MARCHF3: variants seen among roughly 807,000 people sequenced by gnomAD.
MARCHF3 encodes the protein membrane associated ring-CH-type finger 3.
Under a neutral mutation model 24.2 loss-of-function variants are expected in MARCHF3, and 13 were observed. The observed-to-expected ratio is 0.54, with a 90% CI of 0.35 to 0.85. The LOEUF is 0.85. Among genes scored for constraint, MARCHF3 ranks in the 40% least tolerant of loss-of-function variants. The pLI is 0.01. For synonymous variants in MARCHF3, 144 were observed against 137.3 expected, an observed-to-expected ratio of 1.05 and a Z score of -0.34; for missense variants, 276 against 325.0, an observed-to-expected ratio of 0.85 and a Z score of 1.16.
intron 1 of MARCHF3, among the ~76,000 whole-genome samples, chr5:127,028,993 A>G (rs1040558733): frequency 1.2e-4 from 18 of 152,208 alleles, no homozygotes; most frequent in Non-Finnish European, 2.2e-4. Context: ...GCTGGGCTGT[A>G]AAACAGGAAC....
intron 4 of MARCHF3, among the ~76,000 whole-genome samples, chr5:126,872,525 T>C (rs1406509655): frequency 5.3e-5 from 8 of 152,114 alleles, no homozygotes; most frequent in Non-Finnish European, 1.5e-5. Context: ...GAGTGACAAA[T>C]CAGGTCTGGG....
At chr5:127,024,044 T>C (rs1192076311) in intron 1 of MARCHF3, among the ~76,000 whole-genome samples, 1 of 152,072 alleles carries the variant, frequency 6.6e-6, no homozygotes, top group Non-Finnish European at 1.5e-5. Flanking sequence ...ACAAGGGGTA[T>C]GGGAACAAAA....
At chr5:126,894,409 T>C (rs564404126) in intron 3 of MARCHF3, among the ~76,000 whole-genome samples, 2,972 of 151,576 alleles carry the variant, frequency 0.02, 67 homozygotes, top group South Asian at 0.11. Context: ...TTGGCATGAT[T>C]TTGCAGCGGC....
At chr5:126,947,851 A>G (rs1481870221) in intron 1 of MARCHF3, among the ~76,000 whole-genome samples, 1 of 147,368 alleles carries the variant, frequency 6.8e-6, no homozygotes, top group East Asian at 2.2e-4. Flanking sequence ...AACTGCAACT[A>G]TTATGAGACT....
At chr5:126,999,143 G>GGCAGGGTGGTGAGCT (rs1752041840) in intron 1 of MARCHF3, among the ~76,000 whole-genome samples, 2 of 152,256 alleles carry the variant, frequency 1.3e-5, no homozygotes, top group South Asian at 4.1e-4. Context: ...CTATAATACT[G>GGCAGGGTGGTGAGCT]GCAGGGTGGT....
At chr5:127,018,002 G>C (rs1048964237) in intron 1 of MARCHF3, among the ~76,000 whole-genome samples, 7 of 152,256 alleles carry the variant, frequency 4.6e-5, no homozygotes, top group South Asian at 2.1e-4. Context: ...TTACAAAACA[G>C]GGTCTCTACC....
At chr5:126,877,526 AG>A (rs1753197465) in intron 4 of MARCHF3, among the ~76,000 whole-genome samples, 6 of 152,236 alleles carry the variant, frequency 3.9e-5, no homozygotes, top group Admixed American at 3.9e-4. Flanking sequence ...TGAAGTTAAA[AG>A]TTAAAAGAAT....
intron 1 of MARCHF3, among the ~76,000 whole-genome samples, chr5:127,002,132 C>G (rs1173029547): frequency 6.6e-6 from 1 of 151,894 alleles, no homozygotes; most frequent in Non-Finnish European, 1.5e-5. Context: ...AGCTGGGAAA[C>G]CAACAATATC....
chr5:126,917,624 T>G (rs1748919987), intron 2 of MARCHF3, among the ~76,000 whole-genome samples: 1 of 152,210 alleles, frequency 6.6e-6, no homozygotes, highest in Non-Finnish European at 1.5e-5. Flanking sequence ...CTCAGTCGCC[T>G]GAAATCAGAT....
At chr5:126,911,353 C>T (rs574271534) in intron 3 of MARCHF3, among the ~76,000 whole-genome samples, 12 of 152,158 alleles carry the variant, frequency 7.9e-5, no homozygotes, top group South Asian at 2.1e-4. Context: ...CAGAACCTGC[C>T]GACATGTGAT....
chr5:126,994,734 C>A (rs1273244689), intron 1 of MARCHF3, among the ~76,000 whole-genome samples: 3 of 151,364 alleles, frequency 2.0e-5, no homozygotes, highest in African/African-American at 7.3e-5. Flanking sequence ...AATTGACTCA[C>A]ACGACCACAA....
intron 3 of MARCHF3, among the ~76,000 whole-genome samples, chr5:126,914,244 A>G (rs1257864677): frequency 6.6e-6 from 1 of 151,980 alleles, no homozygotes; most frequent in Admixed American, 6.6e-5. Flanking sequence ...CGGCCTCCCA[A>G]AGTGCTGGGA....
At chr5:126,892,851 T>C (rs1753744939) in intron 3 of MARCHF3, among the ~76,000 whole-genome samples, 1 of 151,330 alleles carries the variant, frequency 6.6e-6, no homozygotes, top group Non-Finnish European at 1.5e-5. Context: ...TTGGAATAGT[T>C]TCAGAAGGAA....
At chr5:126,938,358 G>C (rs1307532362) in intron 1 of MARCHF3, among the ~76,000 whole-genome samples, 1 of 151,804 alleles carries the variant, frequency 6.6e-6, no homozygotes, top group Admixed American at 6.6e-5. Context: ...AGTAGAGACA[G>C]AGTTTCACCA....
intron 1 of MARCHF3, among the ~76,000 whole-genome samples, chr5:126,941,115 T>C (rs1749812213): frequency 6.6e-6 from 1 of 152,192 alleles, no homozygotes; most frequent in Non-Finnish European, 1.5e-5. Context: ...TAGAAAGAAA[T>C]AGGGCAAGTG....
At chr5:126,955,899 CA>C (rs1309209034) in intron 1 of MARCHF3, among the ~76,000 whole-genome samples, 3 of 152,160 alleles carry the variant, frequency 2.0e-5, no homozygotes, top group Non-Finnish European at 4.4e-5. Context: ...TATTTGCCTG[CA>C]TTTCTTTCTA....
chr5:127,020,198 T>G (rs758570820), intron 1 of MARCHF3, among the ~76,000 whole-genome samples: 8 of 152,240 alleles, frequency 5.3e-5, no homozygotes, highest in Non-Finnish European at 1.0e-4. Flanking sequence ...GGTCTTCTGT[T>G]GCTATAAAGC....
intron 3 of MARCHF3, among the ~76,000 whole-genome samples, 188 bp from the exon 4 acceptor site, chr5:126,878,582 A>G (rs976782494): frequency 3.3e-5 from 5 of 152,228 alleles, no homozygotes; most frequent in African/African-American, 1.2e-4. Context: ...TAATAATGAT[A>G]TGATACAAAT....
chr5:126,970,060 G>A (rs1750950692), intron 1 of MARCHF3, among the ~76,000 whole-genome samples: 1 of 151,834 alleles, frequency 6.6e-6, no homozygotes, highest in South Asian at 2.1e-4. Context: ...CCAGGCTTAT[G>A]CTCTTTTTCT....
Sources: allele counts gnomAD v4.1 joint callset (sites outside exome capture counted in the v4.1 genomes callset), GRCh38; gene constraint gnomAD v4.1.1; transcripts MANE v1.5; gene names NCBI Gene and HGNC (gene_info 2026-07-23, HGNC 2026-07-21).